The following OPCML variants were observed in gnomAD, a reference collection of about 807,000 sequenced individuals.
The protein encoded by OPCML is opioid binding protein/cell adhesion molecule like.
In OPCML, 13 loss-of-function variants were observed where a neutral mutation model predicts 37.8. That is an observed-to-expected ratio of 0.34 (90% CI 0.22 to 0.55). The LOEUF (loss-of-function observed/expected upper bound fraction) is 0.55. Among genes scored for constraint, OPCML ranks in the 20% least tolerant of loss-of-function variants. OPCML has a pLI of 0.91. For synonymous variants in OPCML, 176 were observed against 168.8 expected, an observed-to-expected ratio of 1.04 and a Z score of -0.33; for missense variants, 341 against 435.6, an observed-to-expected ratio of 0.78 and a Z score of 1.93.
intron 3 of OPCML, among the ~76,000 whole-genome samples, chr11:132,566,807 T>C (rs1457384954): frequency 6.6e-6 from 1 of 152,156 alleles, no homozygotes; most frequent in African/African-American, 2.4e-5. Context: ...TAAAGCCATG[T>C]CTAAGTCGAG....
intron 3 of OPCML, among the ~76,000 whole-genome samples, chr11:132,580,155 T>C (rs2096459362): frequency 6.6e-6 from 1 of 152,208 alleles, no homozygotes; most frequent in African/African-American, 2.4e-5. Flanking sequence ...AACGCTGTGT[T>C]TTCCCTTATG....
At chr11:133,071,295 T>C (rs1404428705) in intron 1 of OPCML, among the ~76,000 whole-genome samples, 2 of 152,144 alleles carry the variant, frequency 1.3e-5, no homozygotes, top group Non-Finnish European at 2.9e-5. Context: ...TGTGTGTGTG[T>C]TTCTTACTAG....
chr11:133,482,317 G>A (rs184364943), intron 1 of OPCML, among the ~76,000 whole-genome samples: 197 of 152,302 alleles, frequency 1.3e-3, no homozygotes, highest in Middle Eastern at 6.8e-3. Context: ...ATTTGAGGCA[G>A]CAGACAACAT....
intron 2 of OPCML, among the ~76,000 whole-genome samples, chr11:132,714,177 C>G (rs1321223550): frequency 6.6e-6 from 1 of 152,220 alleles, no homozygotes; most frequent in East Asian, 1.9e-4. Flanking sequence ...CTCTGCCTCT[C>G]TAGCTGGTAC....
intron 1 of OPCML, chr11:133,064,890 CCACCAG>C (rs1478299587): frequency 1.3e-5 from 2 of 152,144 alleles, no homozygotes; most frequent in African/African-American, 4.8e-5. Context: ...TACGTTGCGT[CCACCAG>C]GTAGACAGGA....
At chr11:133,314,879 G>T (rs552153868) in intron 1 of OPCML, among the ~76,000 whole-genome samples, 1 of 152,336 alleles carries the variant, frequency 6.6e-6, no homozygotes, top group South Asian at 2.1e-4. Flanking sequence ...AATGTTTGTT[G>T]TCGTGCTGTA....
At chr11:133,421,606 A>T (rs1236621203) in intron 1 of OPCML, 1 of 985,288 alleles carries the variant, frequency 1.0e-6, no homozygotes, top group Non-Finnish European at 1.2e-6. Context: ...AACCTCTATA[A>T]CCATTGAATG....
At chr11:133,333,168 T>A (rs1396607577) in intron 1 of OPCML, among the ~76,000 whole-genome samples, 1 of 152,060 alleles carries the variant, frequency 6.6e-6, no homozygotes, top group Non-Finnish European at 1.5e-5. Flanking sequence ...AAGCGACTCT[T>A]CTGCCTCAGC....
intron 1 of OPCML, among the ~76,000 whole-genome samples, chr11:133,353,455 C>T (rs1437823172): frequency 6.6e-6 from 1 of 152,074 alleles, no homozygotes; most frequent in South Asian, 2.1e-4. Context: ...CCACCGTGAC[C>T]AGCCTGTAAG....
chr11:133,391,273 C>T (rs1945168762), intron 1 of OPCML, among the ~76,000 whole-genome samples: 1 of 152,166 alleles, frequency 6.6e-6, no homozygotes, highest in Non-Finnish European at 1.5e-5. Context: ...TGCAGAATGA[C>T]CTACTGGCAT....
At chr11:132,769,300 C>T (rs1295243098) in intron 2 of OPCML, among the ~76,000 whole-genome samples, 6 of 146,948 alleles carry the variant, frequency 4.1e-5, no homozygotes, top group African/African-American at 7.6e-5. Context: ...TGCAGTGGTG[C>T]GATCTTGGCT....
intron 1 of OPCML, among the ~76,000 whole-genome samples, chr11:133,476,391 AGT>A (rs1947240354): frequency 3.6e-5 from 1 of 27,864 alleles, no homozygotes; most frequent in Non-Finnish European, 9.0e-5. Flanking sequence ...CTCTGTTGTT[AGT>A]TTTTTTTTTT....
chr11:133,400,531 C>A (rs991430096), intron 1 of OPCML, among the ~76,000 whole-genome samples: 7 of 152,196 alleles, frequency 4.6e-5, no homozygotes, highest in Non-Finnish European at 8.8e-5. Flanking sequence ...CAACGCTTTG[C>A]AGTTCTGGAG....
At chr11:133,240,444 C>T (rs1940686607) in intron 1 of OPCML, among the ~76,000 whole-genome samples, 1 of 152,138 alleles carries the variant, frequency 6.6e-6, no homozygotes, top group Non-Finnish European at 1.5e-5. Flanking sequence ...GCACCAGACA[C>T]CCGTGTTAGA....
chr11:132,459,668 G>A (rs888150083), intron 4 of OPCML, among the ~76,000 whole-genome samples: 1 of 151,156 alleles, frequency 6.6e-6, no homozygotes, highest in African/African-American at 2.4e-5. Flanking sequence ...TTACATATTG[G>A]TTATGTAGAG....
At chr11:132,977,658 A>C (rs549745365) in intron 1 of OPCML, among the ~76,000 whole-genome samples, 2 of 152,344 alleles carry the variant, frequency 1.3e-5, no homozygotes, top group Admixed American at 1.3e-4. Flanking sequence ...TACTGTACCC[A>C]GCCACAGCTG....
intron 2 of OPCML, among the ~76,000 whole-genome samples, chr11:132,669,026 G>A (rs1024374384): frequency 2.6e-5 from 4 of 151,998 alleles, no homozygotes; most frequent in South Asian, 2.1e-4. Flanking sequence ...TTGATGGGCT[G>A]GTTTCTAGAT....
At chr11:132,658,834 A>T (rs748159341) in intron 2 of OPCML, among the ~76,000 whole-genome samples, 12 of 152,218 alleles carry the variant, frequency 7.9e-5, no homozygotes, top group Non-Finnish European at 1.6e-4. Context: ...GCAACTTGTT[A>T]TATCTCAGTC....
At chr11:133,096,142 G>GTGTA (rs2137062158) in intron 1 of OPCML, among the ~76,000 whole-genome samples, 1 of 151,646 alleles carries the variant, frequency 6.6e-6, no homozygotes, top group East Asian at 1.9e-4. Context: ...GTGTGTGTGT[G>GTGTA]TGTGTGTGTG....
Sources: allele counts gnomAD v4.1 joint callset (sites outside exome capture counted in the v4.1 genomes callset), GRCh38; gene constraint gnomAD v4.1.1; transcripts MANE v1.5; gene names NCBI Gene and HGNC (gene_info 2026-07-23, HGNC 2026-07-21).